The following HUWE1 variants were observed in gnomAD, a reference collection of about 807,000 sequenced individuals.
HUWE1 encodes the protein E3 ubiquitin-protein ligase HUWE1.
Under a neutral mutation model 299.4 loss-of-function variants are expected in HUWE1, and 18 were observed. The observed-to-expected ratio is 0.06, with a 90% CI of 0.04 to 0.09. The LOEUF (loss-of-function observed/expected upper bound fraction) is 0.09, where lower values mean the gene tolerates loss of function less well. HUWE1 is among the 10% of genes least tolerant of loss of function. The probability of loss-of-function intolerance (pLI) is 1.00; values close to 1 mark genes in which losing one functional copy is unlikely to be tolerated. For synonymous variants in HUWE1, 1,317 were observed against 1,286.1 expected (o/e 1.02, Z -0.51); for missense variants, 1,832 against 3,462.3 (o/e 0.53, Z 11.82).
chrX:53,602,430 G>T, intron 28 of HUWE1, 134 bp downstream of exon 28: 3 of 385,737 alleles, frequency 7.8e-6, no homozygotes, highest in Admixed American at 7.7e-5. Context: ...TGGAAGAAAT[G>T]ACTAAAAATT....
intron 28 of HUWE1, among the ~76,000 whole-genome samples, chrX:53,600,718 A>G (rs2064778294): frequency 8.9e-6 from 1 of 112,521 alleles, no homozygotes; most frequent in Non-Finnish European, 1.9e-5. Flanking sequence ...ATTTCCTAGC[A>G]TTTAAGAATT....
chrX:53,609,974 G>T (rs1557000648), intron 23 of HUWE1, among the ~76,000 whole-genome samples: 2 of 111,856 alleles, frequency 1.8e-5, no homozygotes, highest in African/African-American at 6.5e-5. Flanking sequence ...CCCAGAACCA[G>T]GTTTGGGTAG....
At position 53,568,612 on chromosome X, in the gene HUWE1, C is replaced by T. The variant is rs2062680095; in HGVS notation, c.6707+80G>A. On this transcript the variant is annotated intron_variant, in intron 49 of 83. Coordinates refer to ENST00000262854, the MANE Select transcript of HUWE1 (RefSeq NM_031407.7). ...CTCCCACTTGTACCCAAAGTTTTCCCACTACACCAGCTACCTCCACATCAT... is the reference window on the plus strand; with the variant it reads ...CTCCCACTTGTACCCAAAGTTTTCCTACTACACCAGCTACCTCCACATCAT... The T allele has an allele frequency of 5.1e-6, 5 of 989,142 alleles. No individual in the cohort carries two copies. In the Admixed American group the frequency reaches 1.3e-4, roughly 27 times the overall value. The allele number at this position is 989,142 out of a possible 1,213,427, so 81.5% of individuals were successfully genotyped here. A position where few individuals can be genotyped will look rare whatever the true frequency, so the allele number is the denominator to read the frequency against.
intron 48 of HUWE1, among the ~76,000 whole-genome samples, 178 bp from the exon 49 acceptor site, chrX:53,569,052 T>A (rs781855729): frequency 8.9e-6 from 1 of 112,356 alleles, no homozygotes; most frequent in South Asian, 3.7e-4. Context: ...TTCTCTTTTT[T>A]AGACAGGGTC....
chrX:53,645,086 CAG>C (rs1318683238), intron 7 of HUWE1, among the ~76,000 whole-genome samples: 2 of 112,155 alleles, frequency 1.8e-5, no homozygotes, highest in Non-Finnish European at 3.8e-5. Flanking sequence ...CACTTTTGAA[CAG>C]AGAGATTTTG....
intron 29 of HUWE1, among the ~76,000 whole-genome samples, chrX:53,598,233 A>C (rs1412660732): frequency 8.9e-6 from 1 of 111,946 alleles, no homozygotes. Flanking sequence ...ATTACTAAAG[A>C]ATACTTTTGA....
chrX:53,682,618 T>C (rs1258412857), intron 2 of HUWE1, among the ~76,000 whole-genome samples: 1 of 111,168 alleles, frequency 9.0e-6, no homozygotes, highest in Non-Finnish European at 1.9e-5. Context: ...GAGGGTTATC[T>C]TCCTTCTAAG....
chrX:53,533,875 C>T, intron 83 of HUWE1, 132 bp downstream of exon 83: 1 of 627,167 alleles, frequency 1.6e-6, no homozygotes, highest in Non-Finnish European at 2.7e-6. Context: ...CATAGAAACA[C>T]CAAATTGTGA....
At chrX:53,681,657 C>G (rs1374097655) in intron 2 of HUWE1, among the ~76,000 whole-genome samples, 1 of 111,748 alleles carries the variant, frequency 8.9e-6, no homozygotes, top group African/African-American at 3.3e-5. Flanking sequence ...AGCAGATCCC[C>G]ACACTGATCT....
chrX:53,609,394 A>T (rs947464234), intron 23 of HUWE1, among the ~76,000 whole-genome samples: 15 of 112,519 alleles, frequency 1.3e-4, no homozygotes, highest in African/African-American at 4.5e-4. Context: ...ACACTTAAAC[A>T]TCATACGATG....
chrX:53,610,231 A>G (rs1180241308), intron 23 of HUWE1, among the ~76,000 whole-genome samples: 11 of 112,122 alleles, frequency 9.8e-5, no homozygotes, highest in South Asian at 7.5e-4. Flanking sequence ...GCCAGATATA[A>G]TGGCAAAGAG....
intron 3 of HUWE1, among the ~76,000 whole-genome samples, chrX:53,655,582 G>A (rs1446713894): frequency 8.9e-6 from 1 of 112,067 alleles, no homozygotes. Context: ...TATCTCAAAT[G>A]AAGCCAACAG....
intron 25 of HUWE1, among the ~76,000 whole-genome samples, chrX:53,606,993 TAAAG>T (rs2065185242): frequency 9.0e-6 from 1 of 111,138 alleles, no homozygotes; most frequent in African/African-American, 3.3e-5. Flanking sequence ...TATGAAAAAA[TAAAG>T]AAGCTTCATT....
At chrX:53,659,283 T>C (rs1357488240) in intron 3 of HUWE1, among the ~76,000 whole-genome samples, 1 of 112,678 alleles carries the variant, frequency 8.9e-6, no homozygotes, top group African/African-American at 3.2e-5. Context: ...TTGTCAAAAC[T>C]TGGAAGAAAC....
chrX:53,594,674 A>T, intron 30 of HUWE1, 53 bp from the exon 31 acceptor site: 1 of 1,166,170 alleles, frequency 8.6e-7, no homozygotes, highest in Non-Finnish European at 1.2e-6. Flanking sequence ...CAGAGACAGA[A>T]GCAATAGGAA....
rs1211102786 is a variant in HUWE1, at chrX:53,580,954, G to C, written c.5593C>G (p.Arg1865Gly). The change falls in exon 43 of 84, where the codon CGG (arginine) becomes GGG (glycine). Residue 1865 changes from arginine (R) to glycine (G), a missense_variant. Physicochemically the swap from Arg to Gly is moderately radical, Grantham distance 125. Around this residue, in one of 15 missense-constraint regions of HUWE1, gnomAD observed 50 missense variants for 114.9 expected, o/e 0.44. Coordinates refer to ENST00000262854, the MANE Select transcript of HUWE1 (RefSeq NM_031407.7). Reference protein sequence around the residue: ...SGVVSGSLGSREINYILRVLG... With the variant: ...SGVVSGSLGSGEINYILRVLG... ...ACACGAAGGATGTAGTTGATCTCCC[G>C]AGAGCCGAGGCTGCCAGACACAACA... 8.3e-7 allele frequency: 1 copy of C among 1,208,223 alleles called. No homozygotes were observed. The highest frequency in any genetic ancestry group is 1.1e-6 in the Non-Finnish European group (1 of 894,301).
chrX:53,625,135 A>C, intron 18 of HUWE1, 22 bp downstream of exon 18: 1 of 1,027,617 alleles, frequency 9.7e-7, no homozygotes, highest in Non-Finnish European at 1.4e-6. Context: ...TCCTCCAAAA[A>C]AAGTTATCTG....
chrX:53,618,633 C>T (rs1402204401), intron 19 of HUWE1, among the ~76,000 whole-genome samples: 11 of 105,673 alleles, frequency 1.0e-4, no homozygotes, highest in African/African-American at 3.8e-4. Context: ...GGTGCAATCT[C>T]GGCTCACTGC....
At chrX:53,674,396 GA>G (rs1470205659) in intron 3 of HUWE1, among the ~76,000 whole-genome samples, 6 of 111,393 alleles carry the variant, frequency 5.4e-5, no homozygotes, top group African/African-American at 2.0e-4. Flanking sequence ...TAAAATGGAT[GA>G]AAAAAATCCT....
Sources: allele counts gnomAD v4.1 joint callset (sites outside exome capture counted in the v4.1 genomes callset), GRCh38; gene constraint gnomAD v4.1.1; regional missense constraint gnomAD v4.1.1; transcripts MANE v1.5; gene names NCBI Gene and HGNC (gene_info 2026-07-23, HGNC 2026-07-21).